AOX1: variants seen among roughly 807,000 people sequenced by gnomAD.
AOX1 encodes the protein aldehyde oxidase 1.
A neutral mutation model predicts 169.5 loss-of-function variants in AOX1; 153 were observed. That is an observed-to-expected ratio of 0.90 (90% CI 0.79 to 1.03). The LOEUF (loss-of-function observed/expected upper bound fraction) is 1.03. AOX1 is among the 50% of genes least tolerant of loss of function. The pLI is 0.00. For missense variants in AOX1, 1,656 were observed against 1,663.9 expected (o/e 1.00, Z 0.08); for synonymous variants, 562 against 581.9 (o/e 0.97, Z 0.49).
At chr2:200,680,801 C>T (rs113485114), downstream of AOX1, among the ~76,000 whole-genome samples, 11,239 of 152,166 alleles carry the variant, frequency 0.074, 458 homozygotes, top group Non-Finnish European at 0.085. Context: ...CTGCCTCAGC[C>T]TCCCAAAATG....
rs1241061232 is a variant in AOX1 at position 200,623,479 on chromosome 2, TC to T, written c.2002-380del. Reference sequence around the variant, plus strand: ...TCTCTGGTTGAGATGATCTGTGACTTCCTGGTCCTCCCTGTCCGTGCAGGCA... The same window carrying T: ...TCTCTGGTTGAGATGATCTGTGACTTCTGGTCCTCCCTGTCCGTGCAGGCA... On this transcript the variant is annotated intron_variant, in intron 18 of 34. Transcript: ENST00000374700. Among the ~76,000 whole-genome samples, 10 of 152,372 alleles carry T rather than the reference TC, an allele frequency of 6.6e-5. 1 individual carries two copies. In the East Asian group the frequency reaches 1.9e-3, roughly 29 times the overall value.
At chr2:200,608,088 A>G (rs1360808125) in intron 10 of AOX1, among the ~76,000 whole-genome samples, 1 of 152,206 alleles carries the variant, frequency 6.6e-6, no homozygotes, top group Non-Finnish European at 1.5e-5. Context: ...TACCTATGTA[A>G]CAAACCTGCA....
rs148902105 is a variant in AOX1, at chr2:200,662,917, A to G, written c.3491A>G (p.Tyr1164Cys). The G allele has an allele frequency of 1.9e-6, 3 of 1,614,114 alleles. No homozygotes were observed. The highest frequency in any genetic ancestry group is 1.3e-5 in the African/African-American group (1 of 75,048). ...GGCCAGCCCTTCGAATACTTTGTTT[A>G]TGGAGCTGCCTGTTCCGAGGTTGAA... is the stretch of plus-strand genomic sequence containing the variant. The part of the protein sequence containing the change: ...GEGQPFEYFV[Y>C]GAACSEVEID... Residue 1164 changes from tyrosine (Y) to cysteine (C), a missense_variant, in exon 31 of 35, where the codon TAT (tyrosine) becomes TGT (cysteine). Transcript: ENST00000374700.
In AOX1 at chr2:200,604,771, C is replaced by T; in HGVS notation, c.745C>T (p.Leu249=). Reference sequence around the variant, plus strand: ...AATGATGTGGTTTTCCCCCGTGACCCTGAAGGAACTGCTGGAATTTAAATT... The same window carrying T: ...AATGATGTGGTTTTCCCCCGTGACCTTGAAGGAACTGCTGGAATTTAAATT... ...ERMMWFSPVT[L]KELLEFKFKY... is the part of the protein sequence containing the mutation. Residue 249 remains leucine, a synonymous_variant, in exon 9 of 35, where the codon CTG becomes TTG. Coordinates refer to ENST00000374700, the MANE Select transcript of AOX1 (RefSeq NM_001159.4). The T allele has an allele frequency of 2.5e-6, 4 of 1,614,008 alleles. No homozygotes were observed. In the South Asian group the frequency reaches 3.3e-5, roughly 13 times the overall value.
chr2:200,617,089 C>T (rs2034774325), intron 16 of AOX1, among the ~76,000 whole-genome samples: 1 of 152,002 alleles, frequency 6.6e-6, no homozygotes. Flanking sequence ...CAGAAAGAAA[C>T]AACAACAAAT....
intron 32 of AOX1, 74 bp from the exon 33 acceptor site, chr2:200,668,541 A>G (rs569881064): frequency 4.3e-5 from 56 of 1,293,166 alleles, no homozygotes; most frequent in Non-Finnish European, 5.8e-5. Flanking sequence ...AGCAAACAGC[A>G]TGAAGTTGAA....
chr2:200,588,114 CAG>C (rs1351149719), intron 1 of AOX1: 12 of 152,510 alleles, frequency 7.9e-5, no homozygotes, highest in African/African-American at 2.4e-4. Context: ...AGCGTGGGGA[CAG>C]AGAGTATGCA....
chr2:200,641,161 G>T lies in AOX1; in HGVS notation c.2632G>T (p.Ala878Ser), dbSNP rs75996313. 598 of 1,612,366 alleles carry T rather than the reference G, an allele frequency of 3.7e-4. 2 individuals are homozygous for T. The African/African-American group carries it at 7.4e-3, about 20-fold the overall frequency. ...LDMEHYSNAGASLDESLFVIE... is the reference protein window; with the variant it reads ...LDMEHYSNAGSSLDESLFVIE... ...CATGGAGCATTACAGCAATGCAGGC[G>T]CCTCCTTGGATGAATCATTATTCGT... Residue 878 changes from alanine (A) to serine (S), a missense_variant, in exon 24 of 35, where the codon GCC (alanine) becomes TCC (serine). Physicochemically the swap from Ala to Ser is moderately conservative, Grantham distance 99. Transcript: ENST00000374700.
At chr2:200,618,310 C>T (rs1362037835) in intron 16 of AOX1, among the ~76,000 whole-genome samples, 1 of 152,126 alleles carries the variant, frequency 6.6e-6, no homozygotes, top group African/African-American at 2.4e-5. Context: ...CTGAAGTTTA[C>T]ATTTAAGTAA....
chr2:200,637,764 G>A (rs1410762589), intron 22 of AOX1, among the ~76,000 whole-genome samples: 1 of 152,256 alleles, frequency 6.6e-6, no homozygotes, highest in East Asian at 1.9e-4. Context: ...GGCACACCTA[G>A]AAGGCTTAAT....
chr2:200,607,240 C>T (rs1485515962), intron 10 of AOX1, among the ~76,000 whole-genome samples: 1 of 152,170 alleles, frequency 6.6e-6, no homozygotes, highest in Non-Finnish European at 1.5e-5. Context: ...TAGAGATAAT[C>T]ATGTGGTTTT....
At chr2:200,618,407 A>G (rs1161458540) in intron 16 of AOX1, among the ~76,000 whole-genome samples, 4 of 152,222 alleles carry the variant, frequency 2.6e-5, no homozygotes, top group African/African-American at 7.2e-5. Flanking sequence ...ATAGGAATAA[A>G]TGCATCCTAC....
intron 26 of AOX1, among the ~76,000 whole-genome samples, chr2:200,653,749 G>T (rs1166742665): frequency 6.6e-6 from 1 of 152,212 alleles, no homozygotes; most frequent in African/African-American, 2.4e-5. Context: ...TTAAAAGTTT[G>T]TGGCAACCTT....
At position 200,637,054 on chromosome 2, in the gene AOX1, G is replaced by GA. The variant is rs1168932059; in HGVS notation, c.2480+14dup. The GA allele has an allele frequency of 1.2e-6, 2 of 1,613,190 alleles. No individual in the cohort carries two copies. Among genetic ancestry groups the GA allele is most frequent in the Admixed American group, 3.3e-5 (2 of 59,878 alleles). On this transcript the variant is annotated intron_variant, in intron 22 of 34. Coordinates refer to ENST00000374700, the MANE Select transcript of AOX1 (RefSeq NM_001159.4). ...CATTTGCCGCAAACAAGTAAGTGGA[G>GA]AAAATCTGCTAAAAATAAAGTGAAG...
In AOX1 at chr2:200,659,869, G is replaced by A. The variant is rs2035786807; in HGVS notation, c.3301-126G>A. The A allele has an allele frequency of 5.9e-6, 4 of 682,100 alleles. No individual in the cohort carries two copies. In the East Asian group the frequency reaches 8.3e-5, roughly 14 times the overall value. The allele number at this position is 682,100 out of a possible 1,614,324, so 42.3% of individuals were successfully genotyped here. A position where few individuals can be genotyped will look rare whatever the true frequency, so the allele number is the denominator to read the frequency against. On this transcript the variant is annotated intron_variant, in intron 28 of 34. Transcript: ENST00000374700. ...AACCTTTCATATCACCTTCATACAG[G>A]GTTGGTGTCTTATTTTTCCATGTTC...
At chr2:200,659,921 A>G (rs2035787924) in intron 28 of AOX1, 74 bp from the exon 29 acceptor site, 5 of 1,137,370 alleles carry the variant, frequency 4.4e-6, no homozygotes, top group African/African-American at 1.5e-5. Flanking sequence ...ATGGAATGGT[A>G]CATATTATGT....
intron 14 of AOX1, among the ~76,000 whole-genome samples, chr2:200,613,021 T>TGA (rs1248128853): frequency 5.3e-5 from 5 of 95,110 alleles, no homozygotes; most frequent in African/African-American, 7.3e-5. Flanking sequence ...TGTGTGTGTG[T>TGA]GTGTGTGAGA....
At position 200,636,117 on chromosome 2, in the gene AOX1, CTTTTTTT is replaced by C. The variant is rs765127387; in HGVS notation, c.2347-771_2347-765del. On this transcript the variant is annotated intron_variant, in intron 21 of 34. Coordinates refer to ENST00000374700, the MANE Select transcript of AOX1 (RefSeq NM_001159.4). ...CAATCCAAGCAAGAAGTGAGAAGTG[CTTTTTTT>C]TTTTTTTTTTTTTTTTTTTTTTGAG... Among the ~76,000 whole-genome samples the C allele has an allele frequency of 1.7e-4, 9 of 53,972 alleles. No individual in the cohort carries two copies. In the East Asian group the frequency reaches 2.1e-3, roughly 13 times the overall value. The allele number at this position is 53,972 out of a possible 152,430, so 35.4% of individuals were successfully genotyped here.
Position 200,602,282 on chromosome 2 carries a change from A to G in AOX1, c.437-2A>G, listed in dbSNP as rs1480511258. ...TAACAGAGCTGGGTTTTTCTCCTTCAGGTAACCTGTGCCGTTGCACTGGAT... is the reference window on the plus strand; with the variant it reads ...TAACAGAGCTGGGTTTTTCTCCTTCGGGTAACCTGTGCCGTTGCACTGGAT... On this transcript the variant is annotated splice_acceptor_variant, in intron 5 of 34. Coordinates refer to ENST00000374700, the MANE Select transcript of AOX1 (RefSeq NM_001159.4). LOFTEE classifies it high-confidence loss of function. The G allele has an allele frequency of 6.2e-7, 1 of 1,613,538 alleles. No homozygotes were observed. Among genetic ancestry groups the G allele is most frequent in the African/African-American group, 1.3e-5 (1 of 74,874 alleles).
Sources: allele counts gnomAD v4.1 joint callset (sites outside exome capture counted in the v4.1 genomes callset), GRCh38; gene constraint gnomAD v4.1.1; transcripts MANE v1.5; gene names NCBI Gene and HGNC (gene_info 2026-07-23, HGNC 2026-07-21).